TMEM179: variants seen among roughly 807,000 people sequenced by gnomAD.
TMEM179 encodes the protein transmembrane protein 179A.
TMEM179 carries 17 observed loss-of-function variants against 22.2 expected under a neutral mutation model. The ratio of observed to expected loss-of-function variants is 0.77; its 90% CI spans 0.52 to 1.15. TMEM179 has a LOEUF of 1.15. Among genes scored for constraint, TMEM179 ranks in the 50% most tolerant of loss-of-function variants. TMEM179 has a pLI of 0.00. For missense variants in TMEM179, 265 were observed against 313.6 expected (o/e 0.84, Z 1.17); for synonymous variants, 127 against 140.5 (o/e 0.90, Z 0.68).
rs746911730 is a variant in TMEM179, at chr14:104,595,222, G to C, written c.465C>G (p.Ile155Met). ...AGTTGTCCACGCCCAGCTCCAAGTC[G>C]ATGTCCTGGAGCTCTTCACAGCTAA... ...VPHSCEELQD[I>M]DLELGVDNSA... Residue 155 changes from isoleucine (I) to methionine (M), a missense_variant, in exon 3 of 4, where the codon ATC becomes ATG. Transcript: ENST00000556573. The surrounding 1 kb of genome is among the most constrained non-coding windows in gnomAD (Gnocchi z 5.7). 1 of 1,613,338 alleles carries C rather than the reference G, an allele frequency of 6.2e-7. No homozygotes were observed. Among genetic ancestry groups the C allele is most frequent in the Non-Finnish European group, 8.5e-7 (1 of 1,179,884 alleles).
chr14:104,593,516 CGT>C lies in TMEM179; in HGVS notation c.663_664del (p.Arg222HisfsTer111). 2 of 1,535,766 alleles carry C rather than the reference CGT, an allele frequency of 1.3e-6. No individual in the cohort carries two copies. The highest frequency in any genetic ancestry group is 1.7e-6 in the Non-Finnish European group (2 of 1,146,648). ...GCTCTTCTCCTCTTGGAAGGAGGTG[CGT>C]GGGGACGGCCGGGCCAGCAGCAGCT... On this transcript the variant is annotated frameshift_variant, in exon 4 of 4. Coordinates refer to ENST00000556573, the MANE Select transcript of TMEM179 (RefSeq NM_001286389.2). LOFTEE classifies it high-confidence loss of function.
At position 104,595,066 on chromosome 14, in the gene TMEM179, T is replaced by C; in HGVS notation, c.522+99A>G. 6.3e-7 allele frequency: 1 copy of C among 1,586,940 alleles called. No homozygotes were observed. Among genetic ancestry groups the C allele is most frequent in the Non-Finnish European group, 8.6e-7 (1 of 1,164,602 alleles). ...TAACTACCTTATCCACACAGGAGCC[T>C]GCCTCCTCCTCTGGATGGGGGAGAG... On this transcript the variant is annotated intron_variant, in intron 3 of 3. Transcript: ENST00000556573. The surrounding 1 kb of genome is among the most constrained non-coding windows in gnomAD (Gnocchi z 5.7).
Position 104,591,383 on chromosome 14 carries a change from T to C in TMEM179, c.*2096A>G, listed in dbSNP as rs1023007050. On this transcript the variant is annotated 3_prime_UTR_variant, in exon 4 of 4. Transcript: ENST00000556573. Reference sequence around the variant, plus strand: ...AGGGTGAGGCAGGAGCCACCCCACCTTCTGCTGGGGACACAGACAAGGAGC... The same window carrying C: ...AGGGTGAGGCAGGAGCCACCCCACCCTCTGCTGGGGACACAGACAAGGAGC... The C allele has an allele frequency of 1.3e-5, 6 of 455,832 alleles. No homozygotes were observed. Among genetic ancestry groups the C allele is most frequent in the African/African-American group, 1.0e-4 (5 of 50,034 alleles). 28.2% of individuals were successfully genotyped at this position (455,832 alleles called of 1,614,324 possible).
At chr14:104,603,185 C>T (rs1432624056) in intron 1 of TMEM179, among the ~76,000 whole-genome samples, 1 of 152,156 alleles carries the variant, frequency 6.6e-6, no homozygotes, top group African/African-American at 2.4e-5. Flanking sequence ...TCAGCATAGC[C>T]CTGGCTCCCT....
At chr14:104,602,188 G>A (rs922173610) in intron 1 of TMEM179, among the ~76,000 whole-genome samples, 13 of 152,226 alleles carry the variant, frequency 8.5e-5, no homozygotes, top group Non-Finnish European at 1.9e-4. Flanking sequence ...GCCGCCCAGT[G>A]TGTGCGAAAT....
In TMEM179 at chr14:104,594,803, C is replaced by G; in HGVS notation, c.522+362G>C. On this transcript the variant is annotated intron_variant, in intron 3 of 3. Coordinates refer to ENST00000556573, the MANE Select transcript of TMEM179 (RefSeq NM_001286389.2). ...TGAACAGGCCCACCCAGCGCCAGCACCAAAGTCCAAAGCCCTTGTCCCTAC... is the reference window on the plus strand; with the variant it reads ...TGAACAGGCCCACCCAGCGCCAGCAGCAAAGTCCAAAGCCCTTGTCCCTAC... 4 of 1,226,340 alleles carry G rather than the reference C, an allele frequency of 3.3e-6. No individual in the cohort carries two copies. The South Asian group carries it at 1.1e-4, about 33-fold the overall frequency. 76.0% of individuals were successfully genotyped at this position (1,226,340 alleles called of 1,614,324 possible). A position where few individuals can be genotyped will look rare whatever the true frequency, so the allele number is the denominator to read the frequency against.
chr14:104,598,521 G>A (rs1050189206), intron 1 of TMEM179, among the ~76,000 whole-genome samples: 13 of 152,256 alleles, frequency 8.5e-5, no homozygotes, highest in African/African-American at 2.4e-5. Context: ...GGAGGCCAGC[G>A]CATTGTCTGT....
At chr14:104,600,078 G>A (rs1373644363) in intron 1 of TMEM179, among the ~76,000 whole-genome samples, 2 of 152,204 alleles carry the variant, frequency 1.3e-5, no homozygotes, top group Non-Finnish European at 2.9e-5. Flanking sequence ...CCCAGGCTGG[G>A]GCCGCTGCCA....
chr14:104,602,775 C>T (rs539580353), intron 1 of TMEM179, among the ~76,000 whole-genome samples: 1 of 152,340 alleles, frequency 6.6e-6, no homozygotes, highest in East Asian at 1.9e-4. Context: ...CCCCACAGTA[C>T]CTGGGTCCTC....
intron 2 of TMEM179, among the ~76,000 whole-genome samples, chr14:104,596,714 G>C (rs554958199): frequency 6.6e-6 from 1 of 152,268 alleles, no homozygotes; most frequent in South Asian, 2.1e-4. Flanking sequence ...TGACCACCTG[G>C]AGCCACCCCC....
Position 104,597,250 on chromosome 14 carries a change from C to T in TMEM179, c.306-123G>A. ...TGGACGCCATCTCCTGGGCAACCCC[C>T]ACCAGCAGCACCCCCCGGACCCTCA... On this transcript the variant is annotated intron_variant, in intron 1 of 3. Transcript: ENST00000556573. The surrounding 1 kb of genome is among the most constrained non-coding windows in gnomAD (Gnocchi z 4.8). 7.6e-7 allele frequency: 1 copy of T among 1,307,774 alleles called. No individual in the cohort carries two copies. 81.0% of individuals were successfully genotyped at this position (1,307,774 alleles called of 1,614,324 possible).
intron 1 of TMEM179, among the ~76,000 whole-genome samples, chr14:104,601,790 T>C (rs7148772): frequency 0.74 from 112,094 of 152,076 alleles, 42,060 homozygotes; most frequent in Non-Finnish European, 0.77. Flanking sequence ...ACAGGCCCCT[T>C]CCTGACAGCA....
chr14:104,600,082 G>A (rs538673076), intron 1 of TMEM179, among the ~76,000 whole-genome samples: 2 of 152,328 alleles, frequency 1.3e-5, no homozygotes, highest in South Asian at 2.1e-4. Flanking sequence ...GGCTGGGGCC[G>A]CTGCCAGCTG....
chr14:104,596,308 C>A (rs1179704522), intron 2 of TMEM179, among the ~76,000 whole-genome samples: 1 of 152,146 alleles, frequency 6.6e-6, no homozygotes, highest in Non-Finnish European at 1.5e-5. Context: ...CCCCTCAGGG[C>A]GGGGCATCCC....
At chr14:104,596,381 CCTG>C (rs1179343573) in intron 2 of TMEM179, among the ~76,000 whole-genome samples, 1 of 152,170 alleles carries the variant, frequency 6.6e-6, no homozygotes, top group Non-Finnish European at 1.5e-5. Context: ...AGATGATGCC[CCTG>C]CTAAGATCCC....
chr14:104,595,157 C>T lies in TMEM179; in HGVS notation c.522+8G>A, dbSNP rs201746138. 3.7e-6 allele frequency: 6 copies of T among 1,613,622 alleles called. No homozygotes were observed. The highest frequency in any genetic ancestry group is 5.1e-6 in the Non-Finnish European group (6 of 1,179,956). ...TGCAAGCCTCCCTTCTTGCCCAGAG[C>T]CCCCTACCTGGGCAATTGCAAACTG... On this transcript the variant is annotated splice_region_variant and intron_variant, in intron 3 of 3. Transcript: ENST00000556573. The surrounding 1 kb of genome is among the most constrained non-coding windows in gnomAD (Gnocchi z 5.7).
intron 3 of TMEM179, chr14:104,594,703 C>T (rs1886959424): frequency 8.5e-7 from 1 of 1,174,672 alleles, no homozygotes; most frequent in Admixed American, 4.6e-5. Context: ...CAAGTGGGAT[C>T]CCCTGCCTCC....
At chr14:104,600,537 A>C (rs1887200000) in intron 1 of TMEM179, among the ~76,000 whole-genome samples, 1 of 152,198 alleles carries the variant, frequency 6.6e-6, no homozygotes, top group Non-Finnish European at 1.5e-5. Context: ...TCTGCCCCGA[A>C]ATGGCAAGCC....
rs1887002474 is a variant in TMEM179, at chr14:104,595,794, G to A, written c.444-551C>T. Among the ~76,000 whole-genome samples the A allele has an allele frequency of 6.6e-6, 1 of 152,354 alleles. No individual in the cohort carries two copies. Among genetic ancestry groups the A allele is most frequent in the South Asian group, 2.1e-4 (1 of 4,826 alleles). ...CTGTGGAAGCAGTGGGCATCAGAGG[G>A]CCCAGGAGTGAGCCAGGCCTGGGCT... On this transcript the variant is annotated intron_variant, in intron 2 of 3. Transcript: ENST00000556573. The surrounding 1 kb of genome is among the most constrained non-coding windows in gnomAD (Gnocchi z 5.7).
Sources: gnomAD v4.1 joint callset for allele counts (sites outside exome capture counted in the v4.1 genomes callset) on GRCh38, gnomAD v4.1.1 for gene constraint, Gnocchi (gnomAD v3.1) non-coding constraint, MANE v1.5 for transcripts, NCBI Gene and HGNC (gene_info 2026-07-23, HGNC 2026-07-21) for gene names.